Variants in GAN observed in about 807,000 individuals in gnomAD.
The protein encoded by GAN is epididymis secretory sperm binding protein.
A neutral mutation model predicts 71.3 loss-of-function variants in GAN; 48 were observed. The ratio of observed to expected loss-of-function variants is 0.67; its 90% CI spans 0.53 to 0.86. The LOEUF (loss-of-function observed/expected upper bound fraction) is 0.86. Among genes scored for constraint, GAN ranks in the 40% least tolerant of loss-of-function variants. The pLI is 0.00. For missense variants in GAN, 928 were observed against 770.1 expected, an observed-to-expected ratio of 1.21 and a Z score of -2.43; for synonymous variants, 386 against 276.8, an observed-to-expected ratio of 1.39 and a Z score of -3.92.
At chr16:81,336,715 T>G (rs1475843104) in intron 1 of GAN, among the ~76,000 whole-genome samples, 2 of 151,858 alleles carry the variant, frequency 1.3e-5, no homozygotes, top group East Asian at 1.9e-4. Context: ...TAGGCTCAAG[T>G]GATTCTCCCA....
chr16:81,340,133 C>G (rs1174073048), intron 1 of GAN, among the ~76,000 whole-genome samples: 5 of 152,212 alleles, frequency 3.3e-5, no homozygotes, highest in South Asian at 4.2e-4. Flanking sequence ...GAGATGAGGT[C>G]TTGCTGTGTT....
At chr16:81,372,753 G>T (rs1223567722) in intron 9 of GAN, among the ~76,000 whole-genome samples, 2 of 152,216 alleles carry the variant, frequency 1.3e-5, no homozygotes, top group Non-Finnish European at 2.9e-5. Context: ...CCGAGATGTA[G>T]TTATTTATGT....
At chr16:81,338,327 T>A (rs1046224735) in intron 1 of GAN, among the ~76,000 whole-genome samples, 1 of 152,232 alleles carries the variant, frequency 6.6e-6, no homozygotes, top group Non-Finnish European at 1.5e-5. Flanking sequence ...TGTATGATCC[T>A]GTAGCCTCCT....
chr16:81,315,381 C>G (rs1908998149), intron 1 of GAN, 101 bp downstream of exon 1: 5 of 813,906 alleles, frequency 6.1e-6, no homozygotes, highest in Non-Finnish European at 4.9e-6. Context: ...CCCCTGTCCC[C>G]GGCGCCGGGG....
chr16:81,358,893 A>G (rs1910578978), intron 5 of GAN, among the ~76,000 whole-genome samples: 1 of 152,180 alleles, frequency 6.6e-6, no homozygotes, highest in Non-Finnish European at 1.5e-5. Context: ...GCCCTCCTGC[A>G]GTCCTTATTT....
At chr16:81,319,713 C>T (rs1180589521) in intron 1 of GAN, among the ~76,000 whole-genome samples, 1 of 152,060 alleles carries the variant, frequency 6.6e-6, no homozygotes, top group Admixed American at 6.5e-5. Context: ...CCCCCGACCC[C>T]CCCTTATTTT....
At chr16:81,376,537 A>G (rs1291990278) in intron 9 of GAN, among the ~76,000 whole-genome samples, 3 of 149,314 alleles carry the variant, frequency 2.0e-5, no homozygotes, top group Non-Finnish European at 4.4e-5. Context: ...ATATATGTGT[A>G]TATGTATATA....
At chr16:81,332,161 C>CAA (rs397855942) in intron 1 of GAN, among the ~76,000 whole-genome samples, 138 of 60,678 alleles carry the variant, frequency 2.3e-3, no homozygotes, top group African/African-American at 9.4e-3. Flanking sequence ...AAATCTGTCT[C>CAA]AAAAAAAAAA....
At chr16:81,333,379 C>G (rs891855290) in intron 1 of GAN, among the ~76,000 whole-genome samples, 2 of 152,116 alleles carry the variant, frequency 1.3e-5, no homozygotes, top group African/African-American at 2.4e-5. Flanking sequence ...GTTTTAGTAT[C>G]CACTTCTGTT....
At chr16:81,376,682 ATATGTG>A (rs1904282408) in intron 9 of GAN, among the ~76,000 whole-genome samples, 1 of 149,610 alleles carries the variant, frequency 6.7e-6, no homozygotes, top group African/African-American at 2.5e-5. Flanking sequence ...ACATATGTGT[ATATGTG>A]TATATATATG....
intron 2 of GAN, among the ~76,000 whole-genome samples, chr16:81,352,145 G>A (rs1456948165): frequency 1.3e-5 from 2 of 152,164 alleles, no homozygotes; most frequent in African/African-American, 2.4e-5. Flanking sequence ...AGAGTTCCTT[G>A]TAGATCATTC....
At chr16:81,351,531 A>C (rs555781582) in intron 1 of GAN, 52 bp from the exon 2 acceptor site, 1 of 796,220 alleles carries the variant, frequency 1.3e-6, no homozygotes, top group Non-Finnish European at 2.3e-6. Flanking sequence ...ATAAATATTT[A>C]TAGCTATTTC....
At chr16:81,368,248 C>G (rs2150693575) in intron 9 of GAN, among the ~76,000 whole-genome samples, 1 of 152,272 alleles carries the variant, frequency 6.6e-6, no homozygotes, top group African/African-American at 2.4e-5. Flanking sequence ...TATTTCTGTT[C>G]CTTGTGTCCA....
Position 81,353,173 on chromosome 16 carries a change from C to T in GAN, c.283-1232C>T, listed in dbSNP as rs1910357884. ...GGGCGAGGTGGCGGGCGCCTGTAGTCCCGGCTACTCGGGAGGCTGAGGCAG... is the reference window on the plus strand; with the variant it reads ...GGGCGAGGTGGCGGGCGCCTGTAGTTCCGGCTACTCGGGAGGCTGAGGCAG... On this transcript the variant is annotated intron_variant, in intron 2 of 10. Transcript: ENST00000648994. Among the ~76,000 whole-genome samples, 2 of 151,922 alleles carry T rather than the reference C, an allele frequency of 1.3e-5. 1 individual carries two copies. Among genetic ancestry groups the T allele is most frequent in the South Asian group, 4.2e-4 (2 of 4,812 alleles).
rs1474888328 is a variant in GAN at position 81,386,670 on chromosome 16, G to C, written c.*9074G>C. On this transcript the variant is annotated 3_prime_UTR_variant, in exon 11 of 11. Transcript: ENST00000648994. ...ATGTGAAAAGGAAGTAGAACAGCCG[G>C]GCGCGGTGGCTCACGCCTGTAATCC... is the stretch of plus-strand genomic sequence containing the variant. 6.6e-6 allele frequency: 1 copy of C among 152,288 alleles called. No individual in the cohort carries two copies. Among genetic ancestry groups the C allele is most frequent in the Non-Finnish European group, 1.5e-5 (1 of 68,058 alleles). 9.4% of individuals were successfully genotyped at this position (152,288 alleles called of 1,614,324 possible). A position where few individuals can be genotyped will look rare whatever the true frequency, so the allele number is the denominator to read the frequency against.
Position 81,386,325 on chromosome 16 carries a change from T to G in GAN, c.*8729T>G, listed in dbSNP as rs1209093012. 1 of 152,244 alleles carries G rather than the reference T, an allele frequency of 6.6e-6. No homozygotes were observed. Among genetic ancestry groups the G allele is most frequent in the African/African-American group, 2.4e-5 (1 of 41,458 alleles). 9.4% of individuals were successfully genotyped at this position (152,244 alleles called of 1,614,324 possible). On this transcript the variant is annotated 3_prime_UTR_variant, in exon 11 of 11. Transcript: ENST00000648994. ...ACGAGATAATTCCTAGATCTCTGTT[T>G]TAGACCAGTAGACCTAACTGTGCTT...
In GAN at chr16:81,315,233, G is replaced by A; in HGVS notation, c.120G>A (p.Glu40=). ...CGCACCTGGTCCTCGACGGGGAGGA[G>A]ATCCCGGTGCAGAAGAACATCCTGG... The part of the protein sequence containing the change: ...CDAHLVLDGE[E]IPVQKNILAA... The change falls in exon 1 of 11, where the codon GAG becomes GAA. Residue 40 remains glutamate (E), a synonymous_variant. Transcript: ENST00000648994. The A allele has an allele frequency of 1.3e-6, 2 of 1,583,316 alleles. No individual in the cohort carries two copies. The highest frequency in any genetic ancestry group is 1.7e-6 in the Non-Finnish European group (2 of 1,166,868).
intron 1 of GAN, among the ~76,000 whole-genome samples, chr16:81,328,354 C>G (rs1371720666): frequency 6.6e-6 from 1 of 152,144 alleles, no homozygotes; most frequent in African/African-American, 2.4e-5. Context: ...CAATGTAATG[C>G]CCATAGTTGT....
intron 1 of GAN, among the ~76,000 whole-genome samples, chr16:81,341,932 G>C (rs144129578): frequency 1.3e-5 from 2 of 152,200 alleles, no homozygotes; most frequent in African/African-American, 4.8e-5. Context: ...TAAAGGGATG[G>C]AGGAAGATCT....
Sources: allele counts gnomAD v4.1 joint callset (sites outside exome capture counted in the v4.1 genomes callset), GRCh38; gene constraint gnomAD v4.1.1; transcripts MANE v1.5; gene names NCBI Gene and HGNC (gene_info 2026-07-23, HGNC 2026-07-21).